POLD1: variants seen among roughly 807,000 people sequenced by gnomAD.
POLD1 encodes DNA polymerase delta catalytic subunit.
Under a neutral mutation model 129.7 loss-of-function variants are expected in POLD1, and 79 were observed. The ratio of observed to expected loss-of-function variants is 0.61; its 90% CI spans 0.51 to 0.73. POLD1 has a LOEUF of 0.73. Among genes scored for constraint, POLD1 ranks in the 30% least tolerant of loss-of-function variants. The pLI, the probability that POLD1 is intolerant of heterozygous loss-of-function variation, is 0.00. For missense variants in POLD1, 1,338 were observed against 1,595.8 expected (o/e 0.84, Z 2.75); for synonymous variants, 714 against 683.3 (o/e 1.04, Z -0.70).
intron 1 of POLD1, among the ~76,000 whole-genome samples, chr19:50,398,175 G>A (rs2038440823): frequency 6.6e-6 from 1 of 152,190 alleles, no homozygotes; most frequent in Non-Finnish European, 1.5e-5. Flanking sequence ...ATTTAGGTTG[G>A]TGCAAAAGTA....
At chr19:50,392,736 C>G (rs1034824848) in intron 1 of POLD1, among the ~76,000 whole-genome samples, 1 of 152,148 alleles carries the variant, frequency 6.6e-6, no homozygotes, top group Admixed American at 6.5e-5. Flanking sequence ...CTTGGCCTCC[C>G]AAAATGCTGG....
Position 50,413,895 on chromosome 19 carries a change from A to G in POLD1, c.2388+16A>G, listed in dbSNP as rs766376428. 3 of 1,578,004 alleles carry G rather than the reference A, an allele frequency of 1.9e-6. No individual in the cohort carries two copies. Among genetic ancestry groups the G allele is most frequent in the Non-Finnish European group, 2.6e-6 (3 of 1,161,822 alleles). On this transcript the variant is annotated intron_variant, in intron 19 of 26. Coordinates refer to ENST00000440232, the MANE Select transcript of POLD1 (RefSeq NM_002691.4). ...GTTTGAGAAGGTGCGTGGCTGGGTC[A>G]GGGGCTCTGCATTTAGGTGCCCTCA...
In POLD1 at chr19:50,417,160, T is replaced by C. The variant is rs765079746; in HGVS notation, c.3121-12T>C. 4 of 1,590,804 alleles carry C rather than the reference T, an allele frequency of 2.5e-6. No homozygotes were observed. In the East Asian group the frequency reaches 6.9e-5, roughly 27 times the overall value. On this transcript the variant is annotated splice_polypyrimidine_tract_variant and intron_variant, in intron 25 of 26. Coordinates refer to ENST00000440232, the MANE Select transcript of POLD1 (RefSeq NM_002691.4). The stretch of plus-strand genomic sequence containing the variant: ...AGGCGGGGGCGCCCTGCTCAGCCGC[T>C]GCCGTCCCCAGGTATCCCATCTGAA...
intron 8 of POLD1, 36 bp from the exon 9 acceptor site, chr19:50,403,017 G>T: frequency 1.3e-6 from 2 of 1,550,264 alleles, no homozygotes; most frequent in Middle Eastern, 1.7e-4. Context: ...GGAGTGAGGG[G>T]CAGGAGTCAG....
chr19:50,390,861 C>T (rs1246929531), intron 1 of POLD1, among the ~76,000 whole-genome samples: 1 of 137,660 alleles, frequency 7.3e-6, no homozygotes, highest in African/African-American at 3.6e-5. Flanking sequence ...TGAGTGGACA[C>T]AGCACATGTT....
At chr19:50,415,332 C>T in intron 20 of POLD1, 106 bp from the exon 21 acceptor site, 2 of 1,178,584 alleles carry the variant, frequency 1.7e-6, no homozygotes, top group South Asian at 1.4e-5. Flanking sequence ...CTGCCCTGAG[C>T]CTCAGCCCTA....
chr19:50,403,599 T>C lies in POLD1; in HGVS notation c.1242+2T>C. The stretch of plus-strand genomic sequence containing the variant: ...ATCTCTCGGGCCCAGACCCTCAAGG[T>C]GAGGGCTGGGCAGGTGGGAGGCTTC... On this transcript the variant is annotated splice_donor_variant, in intron 10 of 26. Coordinates refer to ENST00000440232, the MANE Select transcript of POLD1 (RefSeq NM_002691.4). LOFTEE classifies it high-confidence loss of function. The C allele has an allele frequency of 6.3e-7, 1 of 1,594,376 alleles. No individual in the cohort carries two copies. Among genetic ancestry groups the C allele is most frequent in the Non-Finnish European group, 8.6e-7 (1 of 1,161,980 alleles).
At chr19:50,398,312 C>G (rs2038444885) in intron 1 of POLD1, among the ~76,000 whole-genome samples, 1 of 152,006 alleles carries the variant, frequency 6.6e-6, no homozygotes, top group Admixed American at 6.6e-5. Context: ...AGACTCAGGC[C>G]TGTAATCTCA....
At chr19:50,391,706 A>AGG (rs2038179590) in intron 1 of POLD1, among the ~76,000 whole-genome samples, 3 of 106,510 alleles carry the variant, frequency 2.8e-5, no homozygotes, top group African/African-American at 7.2e-5. Context: ...GGGGAGGGGG[A>AGG]GGGAGAGGGA....
At chr19:50,414,463 A>T (rs1321868181) in intron 19 of POLD1, among the ~76,000 whole-genome samples, 1 of 152,236 alleles carries the variant, frequency 6.6e-6, no homozygotes, top group African/African-American at 2.4e-5. Flanking sequence ...GGAGCCTCGC[A>T]GAGTGGGGAG....
At chr19:50,396,705 C>T (rs1023098936) in intron 1 of POLD1, among the ~76,000 whole-genome samples, 9 of 152,020 alleles carry the variant, frequency 5.9e-5, no homozygotes, top group Non-Finnish European at 1.2e-4. Context: ...TGGTCTCGAT[C>T]TCCTGACCTC....
At chr19:50,416,188 C>T in intron 22 of POLD1, 1 of 601,520 alleles carries the variant, frequency 1.7e-6, no homozygotes, top group Non-Finnish European at 2.9e-6. Flanking sequence ...CCCTTGTGAA[C>T]TCTGACCCTT....
Position 50,416,388 on chromosome 19 carries a change from G to C in POLD1, c.2821-8G>C, listed in dbSNP as rs2039290897. 1 of 1,548,366 alleles carries C rather than the reference G, an allele frequency of 6.5e-7. No homozygotes were observed. Among genetic ancestry groups the C allele is most frequent in the African/African-American group, 1.4e-5 (1 of 72,998 alleles). ...GGCTGCCCGGGTGTGACTGCCATGT[G>C]GCCGCAGGACCCGCTGTTCGTGCTG... On this transcript the variant is annotated splice_region_variant and splice_polypyrimidine_tract_variant and intron_variant, in intron 22 of 26. Coordinates refer to ENST00000440232, the MANE Select transcript of POLD1 (RefSeq NM_002691.4).
chr19:50,395,354 G>A (rs968264144), intron 1 of POLD1, among the ~76,000 whole-genome samples: 7 of 151,762 alleles, frequency 4.6e-5, no homozygotes, highest in Non-Finnish European at 8.8e-5. Flanking sequence ...CCAGCACTTC[G>A]GGAGGCCGAG....
chr19:50,403,580 C>A lies in POLD1; in HGVS notation c.1225C>A (p.Arg409=). ...QNFDLPYLIS[R]AQTLKVQTFP... is the part of the protein sequence containing the mutation. ...CTTCGACCTTCCGTACCTCATCTCT[C>A]GGGCCCAGACCCTCAAGGTGAGGGC... The change falls in exon 10 of 27, where the codon CGG becomes AGG. Residue 409 remains arginine, a synonymous_variant. Coordinates refer to ENST00000440232, the MANE Select transcript of POLD1 (RefSeq NM_002691.4). The A allele has an allele frequency of 6.2e-7, 1 of 1,611,928 alleles. No homozygotes were observed. The highest frequency in any genetic ancestry group is 1.1e-5 in the South Asian group (1 of 91,036).
rs146530638 is a variant in POLD1, at chr19:50,409,578, G to A, written c.2066G>A (p.Arg689Gln). The A allele has an allele frequency of 3.5e-5, 56 of 1,613,270 alleles. No homozygotes were observed. The highest frequency in any genetic ancestry group is 4.2e-5 in the Non-Finnish European group (49 of 1,180,016). Reference sequence around the variant, plus strand: ...CTCCGGCGCCAGGTCCTGGATGGACGGCAGCTGGCGCTGAAGGTGAGCGCC... The same window carrying A: ...CTCCGGCGCCAGGTCCTGGATGGACAGCAGCTGGCGCTGAAGGTGAGCGCC... ...DPLRRQVLDG[R>Q]QLALKVSANS... Residue 689 changes from arginine (R) to glutamine (Q), a missense_variant, in exon 17 of 27, where the codon CGG becomes CAG. Arg to Gln is a conservative substitution (Grantham distance 43, BLOSUM62 1). Around this residue, in one of 3 missense-constraint regions of POLD1, gnomAD observed 720 missense variants for 1,002.6 expected, o/e 0.72. Transcript: ENST00000440232. This position sits in a 1 kb window ranked among gnomAD's most constrained non-coding sequence, Gnocchi z 5.8.
intron 1 of POLD1, among the ~76,000 whole-genome samples, chr19:50,388,823 C>CTT (rs2038054447): frequency 8.2e-5 from 10 of 121,302 alleles, no homozygotes; most frequent in African/African-American, 1.1e-4. Flanking sequence ...CAGCAGTTAA[C>CTT]TCTTTTTTTT....
Position 50,406,173 on chromosome 19 carries a change from C to T in POLD1, c.1243-9C>T, listed in dbSNP as rs2038870111. 1 of 1,610,794 alleles carries T rather than the reference C, an allele frequency of 6.2e-7. No homozygotes were observed. Among genetic ancestry groups the T allele is most frequent in the Non-Finnish European group, 8.5e-7 (1 of 1,177,568 alleles). On this transcript the variant is annotated splice_polypyrimidine_tract_variant and intron_variant, in intron 10 of 26. Transcript: ENST00000440232. The surrounding 1 kb of genome is among the most constrained non-coding windows in gnomAD (Gnocchi z 5.5). Reference sequence around the variant, plus strand: ...GCAGCCTGCTGCACACCCTGCCTCTCCTCCTCAGGTACAAACATTCCCTTT... The same window carrying T: ...GCAGCCTGCTGCACACCCTGCCTCTTCTCCTCAGGTACAAACATTCCCTTT...
chr19:50,416,835 C>A, intron 24 of POLD1, 112 bp downstream of exon 24: 1 of 982,428 alleles, frequency 1.0e-6, no homozygotes, highest in Non-Finnish European at 1.5e-6. Context: ...GGGCCCAGGG[C>A]CCCTGGGTGG....
Sources: allele counts gnomAD v4.1 joint callset (sites outside exome capture counted in the v4.1 genomes callset), GRCh38; gene constraint gnomAD v4.1.1; regional missense constraint gnomAD v4.1.1; non-coding constraint Gnocchi (gnomAD v3.1); transcripts MANE v1.5; gene names NCBI Gene and HGNC (gene_info 2026-07-23, HGNC 2026-07-21).